GAREM2: variants seen among roughly 807,000 people sequenced by gnomAD.
The protein encoded by GAREM2 is GRB2-associated and regulator of MAPK protein 2.
GAREM2 carries 30 observed loss-of-function variants against 55.6 expected under a neutral mutation model. The observed-to-expected ratio is 0.54, with a 90% CI of 0.40 to 0.73. The LOEUF (loss-of-function observed/expected upper bound fraction) is 0.73, where lower values mean the gene tolerates loss of function less well. Among genes scored for constraint, GAREM2 ranks in the 30% least tolerant of loss-of-function variants. The pLI is 0.00. For missense variants in GAREM2, 1,075 were observed against 1,257.7 expected, an observed-to-expected ratio of 0.85 and a Z score of 2.20; for synonymous variants, 550 against 569.1, an observed-to-expected ratio of 0.97 and a Z score of 0.48.
intron 2 of GAREM2, chr2:26,181,869 C>A (rs980445082): frequency 4.3e-5 from 12 of 279,968 alleles, no homozygotes; most frequent in Non-Finnish European, 5.9e-5. Context: ...GTCCCAGGTA[C>A]TTGAGAGGCT....
downstream of GAREM2, among the ~76,000 whole-genome samples, chr2:26,194,227 G>A (rs887275235): frequency 1.1e-4 from 17 of 152,090 alleles, no homozygotes; most frequent in Non-Finnish European, 2.4e-4. Flanking sequence ...TGTGTGCTGT[G>A]GAAACAGATG....
At chr2:26,197,767 T>C in the GAREM2 span, 2 of 1,504,000 alleles carry the variant, frequency 1.3e-6, no homozygotes, top group African/African-American at 1.4e-5. Flanking sequence ...GATACAGTGA[T>C]CTGGAATCAC....
In GAREM2 at chr2:26,173,341, G is replaced by C. The variant is rs779067207; in HGVS notation, c.112+9G>C. ...CGCCTGCCTTGGGCCAGGTACCGGG[G>C]TCGCTGGAGATGGGGACCGGGGTCC... On this transcript the variant is annotated intron_variant, in intron 1 of 5. Coordinates refer to ENST00000401533, the MANE Select transcript of GAREM2 (RefSeq NM_001168241.2). 3 of 1,368,026 alleles carry C rather than the reference G, an allele frequency of 2.2e-6. No homozygotes were observed. The South Asian group carries it at 4.8e-5, about 22-fold the overall frequency. 84.7% of individuals were successfully genotyped at this position (1,368,026 alleles called of 1,614,324 possible).
At chr2:26,182,471 G>A (rs1404666503) in intron 2 of GAREM2, 4 of 1,550,480 alleles carry the variant, frequency 2.6e-6, no homozygotes, top group Admixed American at 3.9e-5. Context: ...AGCCCAGGGC[G>A]ATGCACAGGA....
At chr2:26,195,047 T>C in the GAREM2 span, 1 of 1,506,170 alleles carries the variant, frequency 6.6e-7, no homozygotes, top group African/African-American at 1.4e-5. Flanking sequence ...GGAGTCTTAT[T>C]AGAACTTTTC....
intron 2 of GAREM2, among the ~76,000 whole-genome samples, chr2:26,177,980 A>G (rs528212667): frequency 5.9e-4 from 90 of 152,148 alleles, no homozygotes; most frequent in African/African-American, 2.1e-3. Context: ...CCCCCTCACC[A>G]AGGCTGGGAA....
At chr2:26,176,953 G>A (rs1668884396) in intron 2 of GAREM2, among the ~76,000 whole-genome samples, 1 of 152,084 alleles carries the variant, frequency 6.6e-6, no homozygotes, top group South Asian at 2.1e-4. Flanking sequence ...CAATTTTTGC[G>A]TTAAACCTAT....
chr2:26,191,421 G>C (rs200486145), downstream of GAREM2: 44 of 1,614,180 alleles, frequency 2.7e-5, no homozygotes, highest in African/African-American at 5.7e-4. Flanking sequence ...GGACTTCGTT[G>C]AAGGAGACGC....
At chr2:26,173,412 A>T (rs1353641556) in intron 1 of GAREM2, 80 bp downstream of exon 1, 2 of 768,056 alleles carry the variant, frequency 2.6e-6, no homozygotes, top group Non-Finnish European at 1.8e-6. Context: ...AGGGATCGTG[A>T]GGAGGGTGCG....
At chr2:26,193,042 C>T (rs1669557191), downstream of GAREM2, among the ~76,000 whole-genome samples, 1 of 152,072 alleles carries the variant, frequency 6.6e-6, no homozygotes. Context: ...CAGAAAGTCA[C>T]TTCTCTGTGG....
intron 3 of GAREM2, among the ~76,000 whole-genome samples, chr2:26,183,531 C>T (rs1392970637): frequency 6.6e-6 from 1 of 152,112 alleles, no homozygotes; most frequent in Non-Finnish European, 1.5e-5. Context: ...TGAGACCAGC[C>T]TGGGCAACAT....
Position 26,187,426 on chromosome 2 carries a change from T to C in GAREM2, c.1794T>C (p.Leu598=). ...CTCTGAGCGGTCGAGCCGCCTCCCTTCTGGGGGCTGACACCCCTGTTAAGA... is the reference window on the plus strand; with the variant it reads ...CTCTGAGCGGTCGAGCCGCCTCCCTCCTGGGGGCTGACACCCCTGTTAAGA... ...TEPLSGRAAS[L]LGADTPVKTY... The change falls in exon 6 of 6, where the codon CTT becomes CTC. Residue 598 remains leucine, a synonymous_variant. Coordinates refer to ENST00000401533, the MANE Select transcript of GAREM2 (RefSeq NM_001168241.2). 6.5e-7 allele frequency: 1 copy of C among 1,547,802 alleles called. No homozygotes were observed. Among genetic ancestry groups the C allele is most frequent in the Non-Finnish European group, 8.7e-7 (1 of 1,145,198 alleles).
chr2:26,204,141 C>T, the GAREM2 span: 27 of 1,613,476 alleles, frequency 1.7e-5, no homozygotes, highest in African/African-American at 8.0e-5. Flanking sequence ...CCCTTATCCA[C>T]GGAGACTTGG....
intron 4 of GAREM2, among the ~76,000 whole-genome samples, chr2:26,185,491 G>A (rs1472573345): frequency 1.3e-5 from 2 of 152,222 alleles, no homozygotes; most frequent in Non-Finnish European, 2.9e-5. Context: ...ACAGAGATGC[G>A]TGTAGGTCCC....
At chr2:26,191,334 A>G (rs774114061), downstream of GAREM2, 5 of 1,614,132 alleles carry the variant, frequency 3.1e-6, no homozygotes, top group Non-Finnish European at 4.2e-6. Context: ...AGGCAGCTTC[A>G]TATTTCTTGA....
At chr2:26,191,150 C>G, downstream of GAREM2, 1 of 1,260,674 alleles carries the variant, frequency 7.9e-7, no homozygotes, top group Non-Finnish European at 1.2e-6. Flanking sequence ...CGGAGTTTGT[C>G]TTCTCGTTAC....
chr2:26,178,705 C>A (rs1354431900), intron 2 of GAREM2, among the ~76,000 whole-genome samples: 1 of 152,148 alleles, frequency 6.6e-6, no homozygotes, highest in Non-Finnish European at 1.5e-5. Context: ...CTCTGGGAAC[C>A]CAAGGCACAG....
At chr2:26,178,257 G>A (rs189567780) in intron 2 of GAREM2, among the ~76,000 whole-genome samples, 93 of 152,330 alleles carry the variant, frequency 6.1e-4, no homozygotes, top group African/African-American at 2.2e-3. Context: ...GGAGGTCCCA[G>A]GTCTTCTTGG....
In GAREM2 at chr2:26,189,376, C is replaced by G. The variant is rs1185206187; in HGVS notation, c.*1119C>G. The G allele has an allele frequency of 3.9e-5, 6 of 152,276 alleles. No homozygotes were observed. The highest frequency in any genetic ancestry group is 3.9e-4 in the Admixed American group (6 of 15,276). The allele number at this position is 152,276 out of a possible 1,614,324, so 9.4% of individuals were successfully genotyped here. ...ACCCCACCCCATCCGTGTCCTCCAT[C>G]TCACCCAGAACCACAGGGTGCCCAC... On this transcript the variant is annotated 3_prime_UTR_variant, in exon 6 of 6. Transcript: ENST00000401533.
Sources: allele counts gnomAD v4.1 joint callset (sites outside exome capture counted in the v4.1 genomes callset), GRCh38; gene constraint gnomAD v4.1.1; transcripts MANE v1.5; gene names NCBI Gene and HGNC (gene_info 2026-07-23, HGNC 2026-07-21).